SNTG1: variants seen among roughly 807,000 people sequenced by gnomAD.
SNTG1 encodes syntrophin gamma 1.
In SNTG1, 39 loss-of-function variants were observed where a neutral mutation model predicts 74.7. That is an observed-to-expected ratio of 0.52 (90% CI 0.40 to 0.68). The LOEUF is 0.68. Among genes scored for constraint, SNTG1 ranks in the 30% least tolerant of loss-of-function variants. SNTG1 has a pLI of 0.00. For missense variants in SNTG1, 685 were observed against 609.5 expected (o/e 1.12, Z -1.30); for synonymous variants, 254 against 217.1 (o/e 1.17, Z -1.49).
intron 9 of SNTG1, among the ~76,000 whole-genome samples, chr8:50,522,546 GA>G (rs1328145120): frequency 6.6e-6 from 1 of 151,006 alleles, no homozygotes; most frequent in Admixed American, 6.6e-5. Context: ...AGAGTTCGCT[GA>G]AGCTTGGAAG....
chr8:50,125,720 G>T (rs1221495152), intron 1 of SNTG1, among the ~76,000 whole-genome samples: 1 of 97,010 alleles, frequency 1.0e-5, no homozygotes, highest in Non-Finnish European at 2.5e-5. Flanking sequence ...AGGTGTCATT[G>T]TACAGTGACT....
intron 15 of SNTG1, among the ~76,000 whole-genome samples, chr8:50,676,966 G>C (rs914306167): frequency 1.3e-5 from 2 of 151,748 alleles, no homozygotes; most frequent in African/African-American, 4.8e-5. Flanking sequence ...ATCTAATTCT[G>C]TTTTCCAATA....
intron 4 of SNTG1, among the ~76,000 whole-genome samples, chr8:50,436,626 G>A (rs544885762): frequency 2.0e-4 from 31 of 152,104 alleles, no homozygotes; most frequent in Non-Finnish European, 4.4e-5. Context: ...GTTGTATGAA[G>A]CTGTAGCTAT....
At chr8:50,461,318 A>G (rs1736404980) in intron 8 of SNTG1, among the ~76,000 whole-genome samples, 1 of 151,986 alleles carries the variant, frequency 6.6e-6, no homozygotes, top group Non-Finnish European at 1.5e-5. Context: ...ATTGATAATA[A>G]CCTTGATTAC....
At position 50,438,594 on chromosome 8, in the gene SNTG1, A is replaced by G; in HGVS notation, c.214A>G (p.Ile72Val). The G allele has an allele frequency of 6.2e-7, 1 of 1,613,054 alleles. No homozygotes were observed. Among genetic ancestry groups the G allele is most frequent in the East Asian group, 2.2e-5 (1 of 44,798 alleles). Residue 72 changes from isoleucine (I) to valine (V), a missense_variant, in exon 5 of 19, where the codon ATA becomes GTA. Ile to Val is a conservative substitution (Grantham distance 29). Coordinates refer to ENST00000642720, the MANE Select transcript of SNTG1 (RefSeq NM_018967.5). The stretch of plus-strand genomic sequence containing the variant: ...AACAGTAGGAGGATTTGGATTAAGC[A>G]TAAAGGTAGCCTGCCTTTCTAGTCT... ...RQTVGGFGLS[I>V]KGGAEHNIPV...
chr8:50,387,889 T>C (rs2092599906), intron 2 of SNTG1, among the ~76,000 whole-genome samples: 1 of 152,146 alleles, frequency 6.6e-6, no homozygotes, highest in Non-Finnish European at 1.5e-5. Flanking sequence ...AGGCTATCAC[T>C]CTACCACCAA....
intron 15 of SNTG1, among the ~76,000 whole-genome samples, chr8:50,663,141 A>G (rs1176697759): frequency 6.6e-6 from 1 of 152,140 alleles, no homozygotes; most frequent in Non-Finnish European, 1.5e-5. Flanking sequence ...GGTCCAAGGA[A>G]TAATGTATAA....
chr8:50,106,514 C>A (rs2080379025), intron 1 of SNTG1, among the ~76,000 whole-genome samples: 4 of 152,144 alleles, frequency 2.6e-5, no homozygotes, highest in Admixed American at 6.6e-5. Context: ...GTGACTCCAG[C>A]TTTTGCTCAT....
chr8:50,693,273 T>C (rs1307598683), intron 15 of SNTG1, among the ~76,000 whole-genome samples: 1 of 152,066 alleles, frequency 6.6e-6, no homozygotes, highest in Non-Finnish European at 1.5e-5. Flanking sequence ...GCACCTACTA[T>C]CTGGCACTCC....
chr8:50,099,717 T>C (rs1016961911), intron 1 of SNTG1, among the ~76,000 whole-genome samples: 2 of 152,246 alleles, frequency 1.3e-5, no homozygotes, highest in African/African-American at 4.8e-5. Flanking sequence ...GTGGTTTTGA[T>C]TGCATTTCCC....
At chr8:49,912,653 TTATAA>T (rs1212485042) in intron 1 of SNTG1, among the ~76,000 whole-genome samples, 11 of 152,218 alleles carry the variant, frequency 7.2e-5, no homozygotes, top group Admixed American at 6.5e-4. Flanking sequence ...TTTTATATTG[TTATAA>T]TATACTAAAC....
chr8:50,422,822 T>C (rs2093110851), intron 4 of SNTG1, among the ~76,000 whole-genome samples: 1 of 152,196 alleles, frequency 6.6e-6, no homozygotes. Flanking sequence ...TACACTTTAC[T>C]AGAATGCAGG....
intron 1 of SNTG1, among the ~76,000 whole-genome samples, chr8:50,036,046 T>G (rs1470740942): frequency 6.6e-6 from 1 of 152,196 alleles, no homozygotes; most frequent in Non-Finnish European, 1.5e-5. Flanking sequence ...ATGCATCACT[T>G]TCTCTTCACA....
At chr8:50,154,511 T>C (rs1474925481) in intron 1 of SNTG1, among the ~76,000 whole-genome samples, 2 of 152,232 alleles carry the variant, frequency 1.3e-5, no homozygotes, top group East Asian at 3.9e-4. Context: ...TCACCTGTCT[T>C]AGTAACTTTA....
intron 2 of SNTG1, among the ~76,000 whole-genome samples, chr8:50,368,880 C>T (rs1021864542): frequency 9.9e-5 from 15 of 152,156 alleles, no homozygotes; most frequent in African/African-American, 2.7e-4. Flanking sequence ...AAGAAAATAT[C>T]TATCCTATGC....
intron 2 of SNTG1, among the ~76,000 whole-genome samples, chr8:50,333,306 G>A (rs911704014): frequency 5.9e-5 from 9 of 152,214 alleles, no homozygotes; most frequent in African/African-American, 1.9e-4. Flanking sequence ...ATTGATAAAT[G>A]TTAATAATGG....
At chr8:50,242,054 G>A (rs900558288) in intron 2 of SNTG1, among the ~76,000 whole-genome samples, 1 of 151,434 alleles carries the variant, frequency 6.6e-6, no homozygotes, top group Non-Finnish European at 1.5e-5. Context: ...TACATAGATA[G>A]ATAGACACAC....
chr8:50,098,245 C>A (rs2080000712), intron 1 of SNTG1, among the ~76,000 whole-genome samples: 1 of 152,140 alleles, frequency 6.6e-6, no homozygotes, highest in Non-Finnish European at 1.5e-5. Flanking sequence ...CATATGCCAA[C>A]TAATTTATCC....
intron 1 of SNTG1, among the ~76,000 whole-genome samples, chr8:49,943,550 TC>T (rs1167157331): frequency 6.6e-6 from 1 of 152,274 alleles, no homozygotes; most frequent in African/African-American, 2.4e-5. Flanking sequence ...GATCTTTTTG[TC>T]TGAAGGCTTG....
Sources: gnomAD v4.1 joint callset for allele counts (sites outside exome capture counted in the v4.1 genomes callset) on GRCh38, gnomAD v4.1.1 for gene constraint, MANE v1.5 for transcripts, NCBI Gene and HGNC (gene_info 2026-07-23, HGNC 2026-07-21) for gene names.